The following ANKS1B variants were observed in gnomAD, a reference collection of about 807,000 sequenced individuals.
ANKS1B encodes the protein ankyrin repeat and sterile alpha motif domain-containing protein 1B.
A neutral mutation model predicts 148.3 loss-of-function variants in ANKS1B; 36 were observed. The ratio of observed to expected loss-of-function variants is 0.24; its 90% CI spans 0.19 to 0.32. ANKS1B has a LOEUF of 0.32. Among genes scored for constraint, ANKS1B ranks in the 10% least tolerant of loss-of-function variants. The pLI, the probability that ANKS1B is intolerant of heterozygous loss-of-function variation, is 1.00. For synonymous variants in ANKS1B, 542 were observed against 560.8 expected, an observed-to-expected ratio of 0.97 and a Z score of 0.47; for missense variants, 1,157 against 1,542.6, an observed-to-expected ratio of 0.75 and a Z score of 4.19.
chr12:99,344,703 G>C (rs1452338007), intron 12 of ANKS1B, among the ~76,000 whole-genome samples: 2 of 151,850 alleles, frequency 1.3e-5, no homozygotes, highest in Non-Finnish European at 2.9e-5. Context: ...ATGCATAACA[G>C]AATTATCTTT....
At chr12:99,507,804 G>A (rs1329066116) in intron 9 of ANKS1B, among the ~76,000 whole-genome samples, 2 of 151,854 alleles carry the variant, frequency 1.3e-5, no homozygotes, top group African/African-American at 4.8e-5. Flanking sequence ...ACCGTCAAAA[G>A]AGGATATGCA....
chr12:99,445,056 G>A (rs181247504), intron 10 of ANKS1B, among the ~76,000 whole-genome samples: 139 of 152,026 alleles, frequency 9.1e-4, no homozygotes, highest in African/African-American at 3.3e-3. Flanking sequence ...CATAAAATAA[G>A]TCTTAAAAGT....
intron 18 of ANKS1B, among the ~76,000 whole-genome samples, chr12:98,830,054 A>G (rs1289190155): frequency 6.6e-6 from 1 of 152,086 alleles, no homozygotes; most frequent in East Asian, 1.9e-4. Context: ...TTTTGCATGG[A>G]AATCTCTGTC....
At chr12:99,298,965 T>A (rs1038952568) in intron 12 of ANKS1B, among the ~76,000 whole-genome samples, 2 of 152,166 alleles carry the variant, frequency 1.3e-5, no homozygotes, top group African/African-American at 4.8e-5. Context: ...TCTCTGTGAA[T>A]CTGGAAACAC....
At position 98,766,261 on chromosome 12, in the gene ANKS1B, T is replaced by A. The variant is rs571747497; in HGVS notation, c.3579+6781A>T. Among the ~76,000 whole-genome samples the A allele has an allele frequency of 4.6e-5, 7 of 152,266 alleles. No homozygotes were observed. The East Asian group carries it at 1.4e-3, about 29-fold the overall frequency. On this transcript the variant is annotated intron_variant, in intron 25 of 26. Transcript: ENST00000683438. ...ATAAATGAAACCCAGCACTGTTAAT[T>A]TATCTATTCTTTTTTGGGAGGTGGT...
chr12:99,529,253 T>C (rs1205386635), intron 9 of ANKS1B, among the ~76,000 whole-genome samples: 1 of 152,174 alleles, frequency 6.6e-6, no homozygotes, highest in African/African-American at 2.4e-5. Context: ...AAGTGGAATG[T>C]AGTTCACCAA....
chr12:99,419,143 C>T (rs1440044450), intron 11 of ANKS1B, among the ~76,000 whole-genome samples: 1 of 151,788 alleles, frequency 6.6e-6, no homozygotes, highest in African/African-American at 2.4e-5. Context: ...AAAACATTCC[C>T]CCATTTTCTT....
At chr12:99,142,524 C>CA (rs1322480413) in intron 15 of ANKS1B, among the ~76,000 whole-genome samples, 5 of 151,978 alleles carry the variant, frequency 3.3e-5, no homozygotes, top group African/African-American at 1.2e-4. Flanking sequence ...TGAGTTTGCT[C>CA]AGAGAGGGTA....
At chr12:99,216,244 A>G (rs2084169937) in intron 14 of ANKS1B, among the ~76,000 whole-genome samples, 2 of 152,124 alleles carry the variant, frequency 1.3e-5, no homozygotes, top group Admixed American at 6.6e-5. Context: ...TTTCTTTATA[A>G]ATTACCCACA....
chr12:98,997,890 G>A (rs2099930655), intron 17 of ANKS1B, among the ~76,000 whole-genome samples: 1 of 152,040 alleles, frequency 6.6e-6, no homozygotes, highest in African/African-American at 2.4e-5. Context: ...TTCATTTCAA[G>A]GTTCTTTAGA....
At position 99,976,375 on chromosome 12, in the gene ANKS1B, G is replaced by C. The variant is rs1336590314; in HGVS notation, c.134+7729C>G. On this transcript the variant is annotated intron_variant, in intron 1 of 26. Coordinates refer to ENST00000683438, the MANE Select transcript of ANKS1B (RefSeq NM_001352186.2). ...TTTTTTTAAATATTCAGATAGGCTGGAATCTAGAGATGATGCCAGCTGGCA... is the reference window on the plus strand; with the variant it reads ...TTTTTTTAAATATTCAGATAGGCTGCAATCTAGAGATGATGCCAGCTGGCA... Among the ~76,000 whole-genome samples, 4 of 152,114 alleles carry C rather than the reference G, an allele frequency of 2.6e-5. No homozygotes were observed. In the South Asian group the frequency reaches 8.3e-4, roughly 32 times the overall value.
intron 1 of ANKS1B, among the ~76,000 whole-genome samples, chr12:99,849,426 C>T (rs1021495940): frequency 1.3e-5 from 2 of 152,058 alleles, no homozygotes; most frequent in African/African-American, 4.8e-5. Context: ...GATATGAATT[C>T]TCATACCCTG....
At chr12:98,979,384 C>G (rs2099905253) in intron 17 of ANKS1B, among the ~76,000 whole-genome samples, 1 of 151,694 alleles carries the variant, frequency 6.6e-6, no homozygotes, top group South Asian at 2.1e-4. Context: ...TCTCCTGCCT[C>G]AGCCTCCCAA....
chr12:99,304,048 G>A (rs1004126811), intron 12 of ANKS1B, among the ~76,000 whole-genome samples: 4 of 152,026 alleles, frequency 2.6e-5, no homozygotes, highest in African/African-American at 4.8e-5. Flanking sequence ...ATATTTTTGT[G>A]ATTGCGAATT....
chr12:99,720,632 C>A (rs983622524), intron 8 of ANKS1B, among the ~76,000 whole-genome samples: 22 of 152,186 alleles, frequency 1.4e-4, no homozygotes, highest in African/African-American at 4.8e-4. Flanking sequence ...TTTCTTTTCT[C>A]AGAATTCAGG....
In ANKS1B at chr12:99,877,311, C is replaced by T. The variant is rs143076185; in HGVS notation, c.135-51922G>A. Among the ~76,000 whole-genome samples, 6 of 152,338 alleles carry T rather than the reference C, an allele frequency of 3.9e-5. No homozygotes were observed. The East Asian group carries it at 9.6e-4, about 24-fold the overall frequency. ...TTAATCTTCCCCCACATTCCAATGG[C>T]TCTAAAGCCATTTCTAAATACCATT... On this transcript the variant is annotated intron_variant, in intron 1 of 26. Coordinates refer to ENST00000683438, the MANE Select transcript of ANKS1B (RefSeq NM_001352186.2).
chr12:99,701,032 C>T (rs1454234968), intron 8 of ANKS1B, among the ~76,000 whole-genome samples: 1 of 152,132 alleles, frequency 6.6e-6, no homozygotes, highest in South Asian at 2.1e-4. Flanking sequence ...TTGGTGAGTA[C>T]GTGGTCTAAG....
intron 15 of ANKS1B, among the ~76,000 whole-genome samples, chr12:99,114,707 G>A (rs867648964): frequency 2.1e-4 from 32 of 151,656 alleles, no homozygotes; most frequent in Admixed American, 1.6e-3. Context: ...AGCCGAGACC[G>A]TACCACTGTA....
intron 17 of ANKS1B, among the ~76,000 whole-genome samples, chr12:98,880,537 C>A (rs56121396): frequency 6.6e-6 from 1 of 151,976 alleles, no homozygotes. Context: ...GAGGCCGAGG[C>A]GGGTGGATCA....
Sources: allele counts gnomAD v4.1 joint callset (sites outside exome capture counted in the v4.1 genomes callset), GRCh38; gene constraint gnomAD v4.1.1; transcripts MANE v1.5; gene names NCBI Gene and HGNC (gene_info 2026-07-23, HGNC 2026-07-21).